Variants in NET1 observed in about 807,000 individuals in gnomAD.
NET1 encodes the protein neuroepithelial cell-transforming gene 1 protein.
A neutral mutation model predicts 61.1 loss-of-function variants in NET1; 42 were observed. That is an observed-to-expected ratio of 0.69 (90% CI 0.54 to 0.89). The LOEUF (loss-of-function observed/expected upper bound fraction) is 0.89. NET1 is among the 40% of genes least tolerant of loss of function. The pLI, the probability that NET1 is intolerant of heterozygous loss-of-function variation, is 0.00. For synonymous variants in NET1, 254 were observed against 281.8 expected, an observed-to-expected ratio of 0.90 and a Z score of 0.99; for missense variants, 654 against 747.3, an observed-to-expected ratio of 0.88 and a Z score of 1.46.
intron 3 of NET1, among the ~76,000 whole-genome samples, chr10:5,429,999 T>G (rs558792119): frequency 3.9e-4 from 59 of 152,198 alleles, no homozygotes; most frequent in Middle Eastern, 3.4e-3. Flanking sequence ...AAAATTAAAT[T>G]TTTATAATCT....
Position 5,452,837 on chromosome 10 carries a change from A to T in NET1, c.532-21A>T, listed in dbSNP as rs962830359. The T allele has an allele frequency of 1.9e-6, 3 of 1,607,696 alleles. No homozygotes were observed. Among genetic ancestry groups the T allele is most frequent in the Non-Finnish European group, 1.7e-6 (2 of 1,177,378 alleles). ...TCCTTTCTCGAAGGAATGACCTCTG[A>T]TGTTTGCTGGATGTTTTTAGGCAAT... is the stretch of plus-strand genomic sequence containing the variant. On this transcript the variant is annotated intron_variant, in intron 5 of 11. Transcript: ENST00000355029. The surrounding 1 kb of genome is among the most constrained non-coding windows in gnomAD (Gnocchi z 4.0).
In NET1 at chr10:5,455,527, T is replaced by G. The variant is rs1832782499; in HGVS notation, c.1197+409T>G. Among the ~76,000 whole-genome samples the G allele has an allele frequency of 6.6e-6, 1 of 152,234 alleles. No homozygotes were observed. Among genetic ancestry groups the G allele is most frequent in the Admixed American group, 6.5e-5 (1 of 15,284 alleles). ...TGCAAATGTATTTTTTAAATGCTAATTATAAAAGTACCTGCTAGAACTAAG... is the reference window on the plus strand; with the variant it reads ...TGCAAATGTATTTTTTAAATGCTAAGTATAAAAGTACCTGCTAGAACTAAG... On this transcript the variant is annotated intron_variant, in intron 10 of 11. Coordinates refer to ENST00000355029, the MANE Select transcript of NET1 (RefSeq NM_001047160.3). This position sits in a 1 kb window ranked among gnomAD's most constrained non-coding sequence, Gnocchi z 6.5.
chr10:5,436,453 A>G (rs1389266712), intron 3 of NET1, among the ~76,000 whole-genome samples: 3 of 149,312 alleles, frequency 2.0e-5, no homozygotes, highest in Admixed American at 6.7e-5. Flanking sequence ...TCAGAGTGGT[A>G]TCGAACTCCT....
intron 3 of NET1, among the ~76,000 whole-genome samples, chr10:5,432,292 TA>T (rs1269858982): frequency 6.3e-4 from 96 of 152,364 alleles, no homozygotes; most frequent in African/African-American, 2.3e-3. Flanking sequence ...GGATTTAACT[TA>T]ATCTTATCAG....
Position 5,426,306 on chromosome 10 carries a change from G to A in NET1, c.129-349G>A, listed in dbSNP as rs1205437553. On this transcript the variant is annotated intron_variant, in intron 1 of 11. Transcript: ENST00000355029. This position sits in a 1 kb window ranked among gnomAD's most constrained non-coding sequence, Gnocchi z 4.6. ...TAAATTTTTTGCACTTAGGAAGTTT[G>A]TTTGCTGTTTTTTATTTAACCTATT... 6.6e-6 allele frequency among the ~76,000 whole-genome samples: 1 copy of A among 152,162 alleles called. No homozygotes were observed. Among genetic ancestry groups the A allele is most frequent in the Middle Eastern group, 3.4e-3 (1 of 292 alleles).
At chr10:5,438,424 A>G (rs6601970) in intron 3 of NET1, among the ~76,000 whole-genome samples, 148,656 of 152,232 alleles carry the variant, frequency 0.98, 72,682 homozygotes, top group East Asian at 1. Context: ...CATATTGTAC[A>G]GAAATAAAAA....
Position 5,416,741 on chromosome 10 carries a change from G to A in NET1, c.128+3921G>A, listed in dbSNP as rs112971977. ...GCACTGGAGGTGTGCTCGCTTCTTC[G>A]GTGCCCTGCTGTTCAAACCTCTAGG... On this transcript the variant is annotated intron_variant, in intron 1 of 11. Transcript: ENST00000355029. This position sits in a 1 kb window ranked among gnomAD's most constrained non-coding sequence, Gnocchi z 6.1. 1.2e-4 allele frequency among the ~76,000 whole-genome samples: 19 copies of A among 152,172 alleles called. No individual in the cohort carries two copies. Among genetic ancestry groups the A allele is most frequent in the Non-Finnish European group, 2.5e-4 (17 of 68,006 alleles).
In NET1 at chr10:5,454,518, A is replaced by T; in HGVS notation, c.1022A>T (p.Asp341Val). ...KEHPDVQLLEDAILIIQGVLS... is the reference protein window; with the variant it reads ...KEHPDVQLLEVAILIIQGVLS... ...CACCCTGATGTTCAGCTTCTGGAGG[A>T]TGCTGTAAGTAGTCCCTTAAGTGAT... The change falls in exon 9 of 12, where the codon GAT becomes GTT. Residue 341 changes from aspartate to valine, a missense_variant. Transcript: ENST00000355029. This position sits in a 1 kb window ranked among gnomAD's most constrained non-coding sequence, Gnocchi z 8.1. 1 of 1,613,248 alleles carries T rather than the reference A, an allele frequency of 6.2e-7. No homozygotes were observed. The highest frequency in any genetic ancestry group is 8.5e-7 in the Non-Finnish European group (1 of 1,179,778).
rs969480401 is a variant in NET1 at position 5,449,183 on chromosome 10, A to G, written c.256-2647A>G. Among the ~76,000 whole-genome samples, 1 of 152,210 alleles carries G rather than the reference A, an allele frequency of 6.6e-6. No homozygotes were observed. Among genetic ancestry groups the G allele is most frequent in the Non-Finnish European group, 1.5e-5 (1 of 68,040 alleles). ...TAGCAGCATTATACCTTTACATTTC[A>G]TAATCACACTTTTCGTTATTTTAGT... On this transcript the variant is annotated intron_variant, in intron 3 of 11. Coordinates refer to ENST00000355029, the MANE Select transcript of NET1 (RefSeq NM_001047160.3). This position sits in a 1 kb window ranked among gnomAD's most constrained non-coding sequence, Gnocchi z 4.4.
chr10:5,453,450 T>C lies in NET1; in HGVS notation c.692-34T>C, dbSNP rs1832741338. On this transcript the variant is annotated intron_variant, in intron 7 of 11. Coordinates refer to ENST00000355029, the MANE Select transcript of NET1 (RefSeq NM_001047160.3). The surrounding 1 kb of genome is among the most constrained non-coding windows in gnomAD (Gnocchi z 4.9). Reference sequence around the variant, plus strand: ...TGCTGACCTATTTTTTAAATAAACCTGTTAATGGTGTTTATGCTTTTTTAT... The same window carrying C: ...TGCTGACCTATTTTTTAAATAAACCCGTTAATGGTGTTTATGCTTTTTTAT... 1.9e-6 allele frequency: 3 copies of C among 1,606,384 alleles called. No individual in the cohort carries two copies. The Middle Eastern group carries it at 5.0e-4, about 266-fold the overall frequency.
At chr10:5,425,944 T>A (rs1332255861) in intron 1 of NET1, among the ~76,000 whole-genome samples, 1 of 152,224 alleles carries the variant, frequency 6.6e-6, no homozygotes, top group Non-Finnish European at 1.5e-5. Flanking sequence ...ACATATTTTA[T>A]AAACACAGAG....
Position 5,452,674 on chromosome 10 carries a change from T to A in NET1, c.531+149T>A. The A allele has an allele frequency of 1.1e-6, 1 of 937,576 alleles. No homozygotes were observed. Among genetic ancestry groups the A allele is most frequent in the South Asian group, 1.8e-5 (1 of 56,510 alleles). 58.1% of individuals were successfully genotyped at this position (937,576 alleles called of 1,614,324 possible). ...ATGGATGGTGGTCAAATTAAACAAC[T>A]CTAATAGGGTAAACTTACCAAACAT... On this transcript the variant is annotated intron_variant, in intron 5 of 11. Coordinates refer to ENST00000355029, the MANE Select transcript of NET1 (RefSeq NM_001047160.3). The surrounding 1 kb of genome is among the most constrained non-coding windows in gnomAD (Gnocchi z 4.0).
At position 5,412,724 on chromosome 10, in the gene NET1, C is replaced by T. The variant is rs1303435307; in HGVS notation, c.32C>T (p.Pro11Leu). MEPELAAQKQ[P>L]RPRRRSRRAS... ...CCCGAGCTGGCGGCTCAGAAGCAGCCTCGACCGCGGAGGCGAAGCCGCCGG... is the reference window on the plus strand; with the variant it reads ...CCCGAGCTGGCGGCTCAGAAGCAGCTTCGACCGCGGAGGCGAAGCCGCCGG... The change falls in exon 1 of 12, where the codon CCT becomes CTT. Residue 11 changes from proline to leucine, a missense_variant. By Grantham distance (98) the Pro-to-Leu change is moderately conservative. Transcript: ENST00000355029. The surrounding 1 kb of genome is among the most constrained non-coding windows in gnomAD (Gnocchi z 6.5). 2.0e-6 allele frequency: 3 copies of T among 1,480,154 alleles called. No individual in the cohort carries two copies. The East Asian group carries it at 8.7e-5, about 43-fold the overall frequency. 91.7% of individuals were successfully genotyped at this position (1,480,154 alleles called of 1,614,324 possible).
chr10:5,454,590 C>T lies in NET1; in HGVS notation c.1026+68C>T. Reference sequence around the variant, plus strand: ...ACATTAGGCTGCTTTAGAACGTTATCTTCTGAAGATGCTGATTCACATCAG... The same window carrying T: ...ACATTAGGCTGCTTTAGAACGTTATTTTCTGAAGATGCTGATTCACATCAG... On this transcript the variant is annotated intron_variant, in intron 9 of 11. Transcript: ENST00000355029. The surrounding 1 kb of genome is among the most constrained non-coding windows in gnomAD (Gnocchi z 8.1). 6.6e-7 allele frequency: 1 copy of T among 1,511,860 alleles called. No homozygotes were observed. The highest frequency in any genetic ancestry group is 1.4e-5 in the African/African-American group (1 of 71,774). The allele number at this position is 1,511,860 out of a possible 1,614,324, so 93.7% of individuals were successfully genotyped here.
intron 3 of NET1, among the ~76,000 whole-genome samples, chr10:5,433,140 C>T (rs1832375017): frequency 6.6e-6 from 1 of 151,780 alleles, no homozygotes; most frequent in East Asian, 1.9e-4. Context: ...AGCTTTTAGC[C>T]ATTACGAGCT....
Position 5,453,993 on chromosome 10 carries a change from G to A in NET1, c.769-272G>A, listed in dbSNP as rs920080450. On this transcript the variant is annotated intron_variant, in intron 8 of 11. Coordinates refer to ENST00000355029, the MANE Select transcript of NET1 (RefSeq NM_001047160.3). This position sits in a 1 kb window ranked among gnomAD's most constrained non-coding sequence, Gnocchi z 4.9. ...GGTGGCAAATGGAGGACACTCAAGT[G>A]TCCTGGGAGCACAGACTGCCAGTGT... 6.6e-6 allele frequency among the ~76,000 whole-genome samples: 1 copy of A among 152,200 alleles called. No individual in the cohort carries two copies. The highest frequency in any genetic ancestry group is 1.5e-5 in the Non-Finnish European group (1 of 68,038).
rs116945287 is a variant in NET1, at chr10:5,440,875, G to A, written c.256-10955G>A. Among the ~76,000 whole-genome samples the A allele has an allele frequency of 6.5e-3, 989 of 152,272 alleles. 36 individuals carry two copies. The East Asian group carries it at 0.11, about 16-fold the overall frequency. Reference sequence around the variant, plus strand: ...GTCCTTATCACCATTTTACTAGTGAGTGAGTCTGTTTCAGAGTCCCATCCT... The same window carrying A: ...GTCCTTATCACCATTTTACTAGTGAATGAGTCTGTTTCAGAGTCCCATCCT... On this transcript the variant is annotated intron_variant, in intron 3 of 11. Coordinates refer to ENST00000355029, the MANE Select transcript of NET1 (RefSeq NM_001047160.3). This position sits in a 1 kb window ranked among gnomAD's most constrained non-coding sequence, Gnocchi z 4.1.
chr10:5,430,399 G>T (rs1164169382), intron 3 of NET1, among the ~76,000 whole-genome samples: 1 of 149,572 alleles, frequency 6.7e-6, no homozygotes. Flanking sequence ...TTTTGAGGCG[G>T]AGTCTCGCTC....
At chr10:5,430,306 T>G (rs529925558) in intron 3 of NET1, among the ~76,000 whole-genome samples, 1 of 152,292 alleles carries the variant, frequency 6.6e-6, no homozygotes, top group Admixed American at 6.5e-5. Flanking sequence ...TATTTTGAAG[T>G]AAATCCTAGA....
Sources: allele counts gnomAD v4.1 joint callset (sites outside exome capture counted in the v4.1 genomes callset), GRCh38; gene constraint gnomAD v4.1.1; non-coding constraint Gnocchi (gnomAD v3.1); transcripts MANE v1.5; gene names NCBI Gene and HGNC (gene_info 2026-07-23, HGNC 2026-07-21).